ADAMTS9: variants seen among roughly 807,000 people sequenced by gnomAD.
The protein encoded by ADAMTS9 is ADAM metallopeptidase with thrombospondin type 1 motif 9.
In ADAMTS9, 107 loss-of-function variants were observed where a neutral mutation model predicts 257.1. The ratio of observed to expected loss-of-function variants is 0.42; its 90% CI spans 0.36 to 0.49. The LOEUF (loss-of-function observed/expected upper bound fraction) is 0.49. Ranked by LOEUF, ADAMTS9 falls within the 20% of genes least tolerant of loss-of-function variation. The pLI is 0.03. For missense variants in ADAMTS9, 2,353 were observed against 2,469.1 expected, an observed-to-expected ratio of 0.95 and a Z score of 1.00; for synonymous variants, 982 against 880.9, an observed-to-expected ratio of 1.11 and a Z score of -2.03.
At chr3:64,630,586 G>C (rs992911602) in intron 16 of ADAMTS9, among the ~76,000 whole-genome samples, 1 of 151,954 alleles carries the variant, frequency 6.6e-6, no homozygotes, top group Admixed American at 6.6e-5. Context: ...CAAAAATACA[G>C]GGAAGGGAAC....
intron 39 of ADAMTS9, chr3:64,521,339 T>C (rs2082849029): frequency 6.6e-6 from 1 of 152,186 alleles, no homozygotes; most frequent in Non-Finnish European, 1.5e-5. Flanking sequence ...AATACACTGT[T>C]GGTGGGACTG....
chr3:64,518,267 A>G, intron 39 of ADAMTS9, among the ~76,000 whole-genome samples: 1 of 152,324 alleles, frequency 6.6e-6, no homozygotes, highest in South Asian at 2.1e-4. Context: ...TAAGATAACA[A>G]ATTTCCTTCA....
intron 2 of ADAMTS9, among the ~76,000 whole-genome samples, chr3:64,685,696 A>G (rs1701885257): frequency 6.6e-6 from 1 of 152,208 alleles, no homozygotes; most frequent in Non-Finnish European, 1.5e-5. Context: ...TGGCAGCGCA[A>G]GAAGGCGGCC....
rs868667401 is a variant in ADAMTS9 at position 64,615,206 on chromosome 3, G to A, written c.3189+115C>T. The A allele has an allele frequency of 1.1e-4, 133 of 1,227,532 alleles. 2 individuals carry two copies. The African/African-American group carries it at 1.7e-3, about 15-fold the overall frequency. 76.0% of individuals were successfully genotyped at this position (1,227,532 alleles called of 1,614,324 possible). A position where few individuals can be genotyped will look rare whatever the true frequency, so the allele number is the denominator to read the frequency against. ...GAGTTGTTTTCTCAAGGGAGACAAGGGAGAAAGGGAGAGGTGGGAGAAAGG... is the reference window on the plus strand; with the variant it reads ...GAGTTGTTTTCTCAAGGGAGACAAGAGAGAAAGGGAGAGGTGGGAGAAAGG... On this transcript the variant is annotated intron_variant, in intron 21 of 39. Coordinates refer to ENST00000498707, the MANE Select transcript of ADAMTS9 (RefSeq NM_182920.2).
intron 22 of ADAMTS9, 95 bp downstream of exon 22, chr3:64,613,250 C>T (rs1299233203): frequency 1.6e-5 from 23 of 1,445,808 alleles, no homozygotes; most frequent in East Asian, 2.3e-5. Context: ...CCCGGCACAG[C>T]GGTTAAATCT....
At chr3:64,635,078 A>G (rs1162871733) in intron 12 of ADAMTS9, among the ~76,000 whole-genome samples, 7 of 152,122 alleles carry the variant, frequency 4.6e-5, no homozygotes, top group Non-Finnish European at 1.0e-4. Flanking sequence ...ATGATACTTC[A>G]TGTCAACACT....
intron 28 of ADAMTS9, chr3:64,587,126 T>G (rs1425243072): frequency 6.6e-6 from 1 of 152,090 alleles, no homozygotes; most frequent in African/African-American, 2.4e-5. Context: ...AGCCCTGGAG[T>G]TACTACTCTC....
At chr3:64,613,243 G>A (rs985906651) in intron 22 of ADAMTS9, 102 bp downstream of exon 22, 20 of 1,413,432 alleles carry the variant, frequency 1.4e-5, no homozygotes, top group East Asian at 2.4e-5. Context: ...CATGCCACCC[G>A]GCACAGCGGT....
In ADAMTS9 at chr3:64,567,935, G is replaced by A. The variant is rs900845694; in HGVS notation, c.4524+433C>T. ...TTTGTAAGCAAGCAAATGGGCAGAG[G>A]TATTTTCTAGAACTTTCGTCAACAG... is the stretch of plus-strand genomic sequence containing the variant. On this transcript the variant is annotated intron_variant, in intron 29 of 39. Transcript: ENST00000498707. Among the ~76,000 whole-genome samples the A allele has an allele frequency of 4.6e-5, 7 of 152,270 alleles. No individual in the cohort carries two copies. In the East Asian group the frequency reaches 5.8e-4, roughly 13 times the overall value.
At chr3:64,638,821 A>G (rs1228885048) in intron 12 of ADAMTS9, among the ~76,000 whole-genome samples, 1 of 152,142 alleles carries the variant, frequency 6.6e-6, no homozygotes, top group Non-Finnish European at 1.5e-5. Flanking sequence ...TATACTATAA[A>G]GTCTCTGGAT....
intron 28 of ADAMTS9, among the ~76,000 whole-genome samples, chr3:64,575,946 A>G (rs2083833269): frequency 6.6e-6 from 1 of 152,226 alleles, no homozygotes; most frequent in Non-Finnish European, 1.5e-5. Flanking sequence ...TTTGTTAACT[A>G]ATGGAGTCTA....
In ADAMTS9 at chr3:64,606,994, T is replaced by G. The variant is rs751396582; in HGVS notation, c.3440A>C (p.Asp1147Ala). The G allele has an allele frequency of 3.7e-6, 6 of 1,613,814 alleles. No homozygotes were observed. In the Admixed American group the frequency reaches 8.3e-5, roughly 22 times the overall value. Residue 1147 changes from aspartate (D) to alanine (A), a missense_variant, in exon 23 of 40, where the codon GAC becomes GCC. Physicochemically the swap from Asp to Ala is moderately radical, Grantham distance 126. Around this residue, in one of 3 missense-constraint regions of ADAMTS9, gnomAD observed 1,402 missense variants for 1,441.4 expected, o/e 0.97. Coordinates refer to ENST00000498707, the MANE Select transcript of ADAMTS9 (RefSeq NM_182920.2). ...GTYMSVVDDNDCNAATRPTDT... is the reference protein window; with the variant it reads ...GTYMSVVDDNACNAATRPTDT... ...AGTTGGTCTAGTTGCTGCATTACAG[T>G]CATTGTCATCTACCACTGACATATA...
At chr3:64,667,177 C>G (rs1462801434) in intron 3 of ADAMTS9, among the ~76,000 whole-genome samples, 1 of 152,140 alleles carries the variant, frequency 6.6e-6, no homozygotes, top group Non-Finnish European at 1.5e-5. Context: ...AACTATGTTT[C>G]CATGAGAGTG....
chr3:64,646,237 T>C (rs562517139), intron 11 of ADAMTS9, among the ~76,000 whole-genome samples: 19 of 152,296 alleles, frequency 1.2e-4, no homozygotes, highest in Non-Finnish European at 2.8e-4. Context: ...ACTAACCAAG[T>C]TGTCAAATAG....
chr3:64,604,023 C>G lies in ADAMTS9; in HGVS notation c.3646G>C (p.Val1216Leu). Residue 1216 changes from valine to leucine, a missense_variant, in exon 25 of 40, where the codon GTG becomes CTG. Coordinates refer to ENST00000498707, the MANE Select transcript of ADAMTS9 (RefSeq NM_182920.2). ...YVSCRDENGS[V>L]ADESACATLP... ...GTAGCACAGGCACTCTCGTCAGCCA[C>G]AGAGCCATTCTCATCTCGGCAGCTG... 6.2e-7 allele frequency: 1 copy of G among 1,614,134 alleles called. No individual in the cohort carries two copies. The highest frequency in any genetic ancestry group is 8.5e-7 in the Non-Finnish European group (1 of 1,180,008).
At chr3:64,639,300 T>G (rs1349209802) in intron 12 of ADAMTS9, among the ~76,000 whole-genome samples, 3 of 144,176 alleles carry the variant, frequency 2.1e-5, no homozygotes, top group Non-Finnish European at 4.5e-5. Flanking sequence ...ATTGTTTTTT[T>G]TTTTTTTTTT....
At chr3:64,556,902 A>G (rs2083345296) in intron 30 of ADAMTS9, among the ~76,000 whole-genome samples, 4 of 151,772 alleles carry the variant, frequency 2.6e-5, no homozygotes, top group Non-Finnish European at 4.4e-5. Context: ...TTTAACAGGT[A>G]TCTTTGATGT....
intron 32 of ADAMTS9, among the ~76,000 whole-genome samples, chr3:64,542,864 A>C (rs1029641718): frequency 1.4e-4 from 22 of 152,042 alleles, no homozygotes; most frequent in African/African-American, 5.3e-4. Context: ...TTGATAGACC[A>C]CTAGCAAGAC....
At chr3:64,562,126 T>C (rs900435489) in intron 29 of ADAMTS9, among the ~76,000 whole-genome samples, 5 of 152,206 alleles carry the variant, frequency 3.3e-5, no homozygotes, top group African/African-American at 1.2e-4. Context: ...TTGAGACTCA[T>C]GAAAACTGGA....
Sources: allele counts gnomAD v4.1 joint callset (sites outside exome capture counted in the v4.1 genomes callset), GRCh38; gene constraint gnomAD v4.1.1; regional missense constraint gnomAD v4.1.1; transcripts MANE v1.5; gene names NCBI Gene and HGNC (gene_info 2026-07-23, HGNC 2026-07-21).